The following CSPP1 variants were observed in gnomAD, a reference collection of about 807,000 sequenced individuals.
CSPP1 encodes the protein centrosome and spindle pole associated protein 1, also known as centrosome and spindle pole-associated protein 1.
CSPP1 carries 126 observed loss-of-function variants against 164.4 expected under a neutral mutation model. The observed-to-expected ratio is 0.77, with a 90% CI of 0.66 to 0.89. The LOEUF (loss-of-function observed/expected upper bound fraction) is 0.89, where lower values mean the gene tolerates loss of function less well. CSPP1 is among the 40% of genes least tolerant of loss of function. CSPP1 has a pLI of 0.00. For missense variants in CSPP1, 1,395 were observed against 1,449.8 expected, an observed-to-expected ratio of 0.96 and a Z score of 0.61; for synonymous variants, 472 against 476.7, an observed-to-expected ratio of 0.99 and a Z score of 0.13.
chr8:67,131,343 C>T lies in CSPP1; in HGVS notation c.1698-608C>T, dbSNP rs139072584. On this transcript the variant is annotated intron_variant, in intron 15 of 30. Coordinates refer to ENST00000678616, the MANE Select transcript of CSPP1 (RefSeq NM_001382391.1). ...TCAAGGCTGCAGTCAGCTATGATGGCGCCACTGCACTCCAGCCTGGGTGAC... is the reference window on the plus strand; with the variant it reads ...TCAAGGCTGCAGTCAGCTATGATGGTGCCACTGCACTCCAGCCTGGGTGAC... Among the ~76,000 whole-genome samples the T allele has an allele frequency of 2.6e-3, 399 of 152,126 alleles. 11 individuals carry two copies. The highest frequency in any genetic ancestry group is 0.024 in the Admixed American group (371 of 15,268).
chr8:67,071,879 G>C (rs1294153801), intron 1 of CSPP1, among the ~76,000 whole-genome samples: 2 of 152,144 alleles, frequency 1.3e-5, no homozygotes, highest in Non-Finnish European at 2.9e-5. Flanking sequence ...GACACTTACA[G>C]ATTTGCAAAA....
intron 4 of CSPP1, among the ~76,000 whole-genome samples, chr8:67,090,922 A>C (rs1212739021): frequency 2.0e-5 from 3 of 152,218 alleles, no homozygotes; most frequent in East Asian, 3.8e-4. Flanking sequence ...TAGACAAGGA[A>C]ACTGAAATGA....
chr8:67,112,812 C>T (rs961165643), intron 10 of CSPP1, among the ~76,000 whole-genome samples: 7 of 152,078 alleles, frequency 4.6e-5, no homozygotes, highest in Non-Finnish European at 7.4e-5. Context: ...TCAGTGGCTT[C>T]CTCAATTCTA....
chr8:67,186,995 ATCT>A (rs1291767994), intron 28 of CSPP1, among the ~76,000 whole-genome samples: 3 of 151,626 alleles, frequency 2.0e-5, no homozygotes, highest in African/African-American at 7.3e-5. Flanking sequence ...CTATCTATCT[ATCT>A]ATCTATCTAT....
At chr8:67,134,296 G>A (rs1821797662) in intron 16 of CSPP1, 1 of 152,300 alleles carries the variant, frequency 6.6e-6, no homozygotes, top group Non-Finnish European at 1.5e-5. Flanking sequence ...ATTACTCCAT[G>A]AGTTAATGGG....
At chr8:67,159,848 TTCTTTTTCTTTCTTTCTTTCTTTCTTTC>T (rs1401742062) in intron 21 of CSPP1, among the ~76,000 whole-genome samples, 14 of 117,268 alleles carry the variant, frequency 1.2e-4, no homozygotes, top group East Asian at 2.3e-4. Context: ...CTTTCTTTCT[TTCTTTTTCTTTCTTTCTTTCTTTCTTTC>T]TTTCTTTCTT....
chr8:67,074,405 T>A, intron 2 of CSPP1, 54 bp downstream of exon 2: 1 of 1,054,656 alleles, frequency 9.5e-7, no homozygotes, highest in Non-Finnish European at 1.4e-6. Flanking sequence ...CTATGGAGAT[T>A]ACTCCTGTGT....
chr8:67,136,484 G>A (rs1822294079), intron 16 of CSPP1, among the ~76,000 whole-genome samples: 1 of 150,790 alleles, frequency 6.6e-6, no homozygotes, highest in African/African-American at 2.5e-5. Flanking sequence ...CAGGAGAATG[G>A]CGTGAACCCG....
In CSPP1 at chr8:67,163,616, T is replaced by C. The variant is rs190953664; in HGVS notation, c.2644-116T>C. 25 of 669,786 alleles carry C rather than the reference T, an allele frequency of 3.7e-5. No homozygotes were observed. In the Middle Eastern group the frequency reaches 2.0e-3, roughly 53 times the overall value. 41.5% of individuals were successfully genotyped at this position (669,786 alleles called of 1,614,324 possible). A position where few individuals can be genotyped will look rare whatever the true frequency, so the allele number is the denominator to read the frequency against. On this transcript the variant is annotated intron_variant, in intron 22 of 30. Transcript: ENST00000678616. ...AGTATAGCTGGGTAAGTTTTGGAGGTAGGATAGTGTGGAGTTTGGTTTCCT... is the reference window on the plus strand; with the variant it reads ...AGTATAGCTGGGTAAGTTTTGGAGGCAGGATAGTGTGGAGTTTGGTTTCCT...
At chr8:67,139,921 C>G (rs1230113542) in intron 17 of CSPP1, among the ~76,000 whole-genome samples, 3 of 152,084 alleles carry the variant, frequency 2.0e-5, no homozygotes, top group Non-Finnish European at 4.4e-5. Context: ...TGCAGCACAC[C>G]AACATGGCAC....
intron 3 of CSPP1, among the ~76,000 whole-genome samples, chr8:67,080,136 A>G (rs888012453): frequency 6.6e-6 from 1 of 152,220 alleles, no homozygotes; most frequent in Non-Finnish European, 1.5e-5. Context: ...GGAAAAATGT[A>G]AAATTATTTG....
chr8:67,178,534 T>G (rs1323121166), intron 27 of CSPP1, among the ~76,000 whole-genome samples: 1 of 152,146 alleles, frequency 6.6e-6, no homozygotes, highest in African/African-American at 2.4e-5. Flanking sequence ...TTTTGAATCA[T>G]GGTGCTGTGG....
intron 30 of CSPP1, among the ~76,000 whole-genome samples, chr8:67,194,166 G>A (rs968297257): frequency 1.3e-5 from 2 of 152,176 alleles, no homozygotes; most frequent in Admixed American, 6.5e-5. Context: ...TACCCTGCCA[G>A]CCCTACACCA....
chr8:67,140,077 TTTTAA>T lies in CSPP1; in HGVS notation c.1975+2482_1975+2486del, dbSNP rs538595787. Reference sequence around the variant, plus strand: ...TATATTTGAGGCCCACTTTAATTTATTTTAATTTAATTAATTAATTTTTTCGAGAC... The same window carrying T: ...TATATTTGAGGCCCACTTTAATTTATTTTAATTAATTAATTTTTTCGAGAC... On this transcript the variant is annotated intron_variant, in intron 17 of 30. Transcript: ENST00000678616. Among the ~76,000 whole-genome samples the T allele has an allele frequency of 7.9e-5, 12 of 152,146 alleles. No individual in the cohort carries two copies. In the South Asian group the frequency reaches 2.5e-3, roughly 32 times the overall value.
intron 22 of CSPP1, 45 bp from the exon 23 acceptor site, chr8:67,163,687 T>C (rs938159421): frequency 2.1e-6 from 3 of 1,411,328 alleles, no homozygotes; most frequent in African/African-American, 2.8e-5. Context: ...AGCTTCTGTG[T>C]AGGGAAGACA....
intron 7 of CSPP1, among the ~76,000 whole-genome samples, chr8:67,099,653 A>G (rs1586074373): frequency 6.6e-6 from 1 of 152,152 alleles, no homozygotes; most frequent in Non-Finnish European, 1.5e-5. Context: ...TGCTTTCTTC[A>G]GAGAGGACTT....
At chr8:67,068,124 C>G (rs781222720) in intron 1 of CSPP1, among the ~76,000 whole-genome samples, 2 of 152,236 alleles carry the variant, frequency 1.3e-5, no homozygotes, top group African/African-American at 2.4e-5. Context: ...GCTGGGATTA[C>G]AGGCATGGGC....
Position 67,195,620 on chromosome 8 carries a change from G to GGACCCA in CSPP1, c.*27_*28insGACCCA. 1 of 1,590,852 alleles carries GGACCCA rather than the reference G, an allele frequency of 6.3e-7. No homozygotes were observed. Among genetic ancestry groups the GGACCCA allele is most frequent in the Non-Finnish European group, 8.6e-7 (1 of 1,160,152 alleles). On this transcript the variant is annotated 3_prime_UTR_variant, in exon 31 of 31. Transcript: ENST00000678616. ...ATAAACCTGTACTGGACCCAGTAGTGCCTTTTAAGGTGAAAGGAATGGTAA... is the reference window on the plus strand; with the variant it reads ...ATAAACCTGTACTGGACCCAGTAGTGGACCCACCTTTTAAGGTGAAAGGAATGGTAA...
intron 15 of CSPP1, among the ~76,000 whole-genome samples, chr8:67,122,398 T>C (rs937152157): frequency 6.6e-6 from 1 of 152,210 alleles, no homozygotes; most frequent in Non-Finnish European, 1.5e-5. Flanking sequence ...AGTACTGTTT[T>C]AGCTACATCC....
Sources: gnomAD v4.1 joint callset for allele counts (sites outside exome capture counted in the v4.1 genomes callset) on GRCh38, gnomAD v4.1.1 for gene constraint, MANE v1.5 for transcripts, NCBI Gene and HGNC (gene_info 2026-07-23, HGNC 2026-07-21) for gene names.